Variants in GRK5 observed in about 807,000 individuals in gnomAD.
GRK5 encodes the protein G protein-coupled receptor kinase 5.
GRK5 carries 40 observed loss-of-function variants against 78.4 expected under a neutral mutation model. That is an observed-to-expected ratio of 0.51 (90% CI 0.40 to 0.66). GRK5 has a LOEUF of 0.66. GRK5 is among the 30% of genes least tolerant of loss of function. The pLI is 0.00. For synonymous variants in GRK5, 289 were observed against 296.8 expected (o/e 0.97, Z 0.27); for missense variants, 598 against 759.9 (o/e 0.79, Z 2.50).
rs947352062 is a variant in GRK5 at position 119,458,051 on chromosome 10, C to T, written c.*2984C>T. On this transcript the variant is annotated 3_prime_UTR_variant, in exon 16 of 16. Coordinates refer to ENST00000392870, the MANE Select transcript of GRK5 (RefSeq NM_005308.3). ...TTAAAAGCAAACAACACTGTCCACC[C>T]ATCTACCTGTCCAGGATAAGGCATA... 1 of 152,240 alleles carries T rather than the reference C, an allele frequency of 6.6e-6. No individual in the cohort carries two copies. The highest frequency in any genetic ancestry group is 2.4e-5 in the African/African-American group (1 of 41,466). 9.4% of individuals were successfully genotyped at this position (152,240 alleles called of 1,614,324 possible).
chr10:119,387,720 C>A (rs1428795052), intron 3 of GRK5, among the ~76,000 whole-genome samples: 2 of 152,176 alleles, frequency 1.3e-5, no homozygotes, highest in African/African-American at 4.8e-5. Flanking sequence ...TCATTTGAAA[C>A]CATCTTATCT....
At chr10:119,446,247 G>A (rs1270213004) in intron 12 of GRK5, among the ~76,000 whole-genome samples, 1 of 152,218 alleles carries the variant, frequency 6.6e-6, no homozygotes, top group Non-Finnish European at 1.5e-5. Context: ...ACTGTTGACT[G>A]GATGCCAGGG....
chr10:119,214,011 G>T (rs557617473), intron 1 of GRK5, among the ~76,000 whole-genome samples: 87 of 152,304 alleles, frequency 5.7e-4, no homozygotes, highest in African/African-American at 2.0e-3. Flanking sequence ...AGTCTGCTCT[G>T]TCGCGCAGGC....
At chr10:119,318,006 G>A (rs189274904) in intron 1 of GRK5, among the ~76,000 whole-genome samples, 2 of 152,024 alleles carry the variant, frequency 1.3e-5, no homozygotes, top group African/African-American at 4.8e-5. Context: ...GGCCCAGGAA[G>A]CTGCATTTCT....
chr10:119,295,745 G>A (rs1243464364), intron 1 of GRK5, among the ~76,000 whole-genome samples: 3 of 152,106 alleles, frequency 2.0e-5, no homozygotes, highest in East Asian at 3.9e-4. Flanking sequence ...ATATGTGGGA[G>A]CTGAGATATG....
chr10:119,261,397 C>T (rs1849396646), intron 1 of GRK5, among the ~76,000 whole-genome samples: 1 of 147,090 alleles, frequency 6.8e-6, no homozygotes, highest in Non-Finnish European at 1.5e-5. Context: ...CGGGCAGAGA[C>T]GCTCCTCACT....
intron 1 of GRK5, among the ~76,000 whole-genome samples, chr10:119,240,102 C>G (rs950423098): frequency 6.6e-6 from 1 of 151,840 alleles, no homozygotes; most frequent in Non-Finnish European, 1.5e-5. Flanking sequence ...ACATTGTCTT[C>G]CACAATGGTA....
intron 2 of GRK5, among the ~76,000 whole-genome samples, chr10:119,345,651 C>G (rs1162078914): frequency 6.6e-6 from 1 of 152,144 alleles, no homozygotes; most frequent in Non-Finnish European, 1.5e-5. Flanking sequence ...ACTTGACACT[C>G]CTAGCAGATA....
At chr10:119,230,515 A>G (rs1418492882) in intron 1 of GRK5, among the ~76,000 whole-genome samples, 1 of 152,042 alleles carries the variant, frequency 6.6e-6, no homozygotes, top group Non-Finnish European at 1.5e-5. Flanking sequence ...CCCCCTTATA[A>G]TAACTGTCAG....
chr10:119,221,926 G>A (rs1296560274), intron 1 of GRK5, among the ~76,000 whole-genome samples: 2 of 152,190 alleles, frequency 1.3e-5, no homozygotes, highest in Non-Finnish European at 2.9e-5. Context: ...AATTAAGGTT[G>A]AGTTCAGTCA....
At chr10:119,305,690 G>A (rs1850262757) in intron 1 of GRK5, among the ~76,000 whole-genome samples, 1 of 152,196 alleles carries the variant, frequency 6.6e-6, no homozygotes, top group Non-Finnish European at 1.5e-5. Context: ...GGAGACACGT[G>A]TAAGTGCCCA....
chr10:119,310,983 C>T (rs1850349068), intron 1 of GRK5, among the ~76,000 whole-genome samples: 1 of 152,084 alleles, frequency 6.6e-6, no homozygotes, highest in African/African-American at 2.4e-5. Flanking sequence ...TGATCCAGGG[C>T]TGGGTCAACA....
At chr10:119,411,429 G>A (rs1852333943) in intron 4 of GRK5, among the ~76,000 whole-genome samples, 1 of 152,136 alleles carries the variant, frequency 6.6e-6, no homozygotes. Context: ...GATAAAAATG[G>A]CAGACTGGAT....
chr10:119,244,831 T>C (rs534986948), intron 1 of GRK5, among the ~76,000 whole-genome samples: 1 of 152,294 alleles, frequency 6.6e-6, no homozygotes, highest in Admixed American at 6.5e-5. Flanking sequence ...AACTTGTTGA[T>C]GAAGATGTGG....
chr10:119,219,873 A>G (rs1848633191), intron 1 of GRK5, among the ~76,000 whole-genome samples: 1 of 152,140 alleles, frequency 6.6e-6, no homozygotes, highest in African/African-American at 2.4e-5. Flanking sequence ...TTTTTGGCCA[A>G]ATCGAAGGTA....
intron 1 of GRK5, among the ~76,000 whole-genome samples, chr10:119,226,398 GC>G (rs535579362): frequency 4.7e-4 from 67 of 142,582 alleles, no homozygotes; most frequent in African/African-American, 1.6e-3. Flanking sequence ...TGCAACCTTT[GC>G]CTCCCAGGTT....
At chr10:119,405,438 T>C (rs1047463919) in intron 4 of GRK5, among the ~76,000 whole-genome samples, 1 of 152,020 alleles carries the variant, frequency 6.6e-6, no homozygotes, top group African/African-American at 2.4e-5. Flanking sequence ...TCAGCCTGTT[T>C]CCACACAAAC....
intron 2 of GRK5, among the ~76,000 whole-genome samples, chr10:119,328,828 G>A (rs556968831): frequency 2.6e-4 from 40 of 152,350 alleles, no homozygotes; most frequent in Middle Eastern, 3.4e-3. Flanking sequence ...TGCAGGTGGT[G>A]ATGCCAGGAG....
chr10:119,290,862 G>C (rs1849943585), intron 1 of GRK5, among the ~76,000 whole-genome samples: 1 of 152,094 alleles, frequency 6.6e-6, no homozygotes, highest in South Asian at 2.1e-4. Context: ...CTTCTGGGCT[G>C]GGCTCCTCTA....
Sources: allele counts gnomAD v4.1 joint callset (sites outside exome capture counted in the v4.1 genomes callset), GRCh38; gene constraint gnomAD v4.1.1; transcripts MANE v1.5; gene names NCBI Gene and HGNC (gene_info 2026-07-23, HGNC 2026-07-21).